The following CLSTN2 variants were observed in gnomAD, a reference collection of about 807,000 sequenced individuals.
The protein encoded by CLSTN2 is calsyntenin 2.
In CLSTN2, 48 loss-of-function variants were observed where a neutral mutation model predicts 101.2. The ratio of observed to expected loss-of-function variants is 0.47; its 90% CI spans 0.38 to 0.60. The LOEUF (loss-of-function observed/expected upper bound fraction) is 0.60, where lower values mean the gene tolerates loss of function less well. Ranked by LOEUF, CLSTN2 falls within the 20% of genes least tolerant of loss-of-function variation. The pLI is 0.00. For missense variants in CLSTN2, 1,160 were observed against 1,238.2 expected, an observed-to-expected ratio of 0.94 and a Z score of 0.95; for synonymous variants, 481 against 463.6, an observed-to-expected ratio of 1.04 and a Z score of -0.48.
intron 2 of CLSTN2, among the ~76,000 whole-genome samples, chr3:140,251,805 C>T (rs983668932): frequency 9.2e-5 from 14 of 152,074 alleles, no homozygotes; most frequent in African/African-American, 3.4e-4. Context: ...AAACAGACAA[C>T]ACAAAAGAAT....
intron 2 of CLSTN2, among the ~76,000 whole-genome samples, chr3:140,192,394 G>A (rs539003871): frequency 7.2e-5 from 11 of 151,782 alleles, no homozygotes; most frequent in South Asian, 2.1e-4. Flanking sequence ...ATTGAGGAAC[G>A]GATGTTGAAA....
chr3:140,325,793 T>C (rs2087326969), intron 2 of CLSTN2, among the ~76,000 whole-genome samples: 2 of 152,148 alleles, frequency 1.3e-5, no homozygotes, highest in Admixed American at 6.5e-5. Flanking sequence ...TCGGGACAAA[T>C]ACAGAATGTG....
At chr3:140,213,776 G>A (rs1559808215) in intron 2 of CLSTN2, among the ~76,000 whole-genome samples, 1 of 152,118 alleles carries the variant, frequency 6.6e-6, no homozygotes, top group Non-Finnish European at 1.5e-5. Flanking sequence ...TTTGCAGAAG[G>A]TCAACATGGC....
chr3:139,998,336 C>CTTTTT (rs60541490), intron 1 of CLSTN2, among the ~76,000 whole-genome samples: 1,439 of 66,662 alleles, frequency 0.022, 117 homozygotes, highest in East Asian at 0.045. Flanking sequence ...CCCCACATGC[C>CTTTTT]TTTTTTTTTT....
intron 1 of CLSTN2, among the ~76,000 whole-genome samples, chr3:139,966,772 G>A (rs150571776): frequency 8.5e-5 from 13 of 152,328 alleles, no homozygotes; most frequent in African/African-American, 2.9e-4. Context: ...TGAGTGAAGG[G>A]AAGGTGCTGA....
At chr3:140,442,877 A>G (rs1053955862) in intron 5 of CLSTN2, among the ~76,000 whole-genome samples, 1 of 152,170 alleles carries the variant, frequency 6.6e-6, no homozygotes, top group Non-Finnish European at 1.5e-5. Context: ...CCCAATTCAG[A>G]TGCACTGGAT....
chr3:140,092,864 G>A (rs555746714), intron 1 of CLSTN2, among the ~76,000 whole-genome samples: 4 of 152,214 alleles, frequency 2.6e-5, no homozygotes, highest in South Asian at 2.1e-4. Flanking sequence ...GGTGACTTGC[G>A]TGCTGCCTGG....
At chr3:140,154,531 C>T (rs1373716953) in intron 1 of CLSTN2, among the ~76,000 whole-genome samples, 1 of 151,780 alleles carries the variant, frequency 6.6e-6, no homozygotes, top group Non-Finnish European at 1.5e-5. Context: ...GATTAATTGA[C>T]ACAGTTGGCT....
At chr3:140,013,640 T>C (rs2007135664) in intron 1 of CLSTN2, among the ~76,000 whole-genome samples, 2 of 152,072 alleles carry the variant, frequency 1.3e-5, no homozygotes, top group African/African-American at 2.4e-5. Flanking sequence ...CAAGTTTTAA[T>C]TTAAGAAAAT....
chr3:140,271,490 C>T (rs2086741390), intron 2 of CLSTN2, among the ~76,000 whole-genome samples: 1 of 152,166 alleles, frequency 6.6e-6, no homozygotes, highest in Non-Finnish European at 1.5e-5. Flanking sequence ...AGTCCAAGAT[C>T]AAGGTGCCAG....
At chr3:140,202,420 A>G (rs1335962776) in intron 2 of CLSTN2, among the ~76,000 whole-genome samples, 1 of 152,202 alleles carries the variant, frequency 6.6e-6, no homozygotes. Flanking sequence ...GAAGTCTAAG[A>G]TGCCTACAAG....
At chr3:140,423,296 G>A (rs2088526019) in intron 5 of CLSTN2, among the ~76,000 whole-genome samples, 1 of 152,200 alleles carries the variant, frequency 6.6e-6, no homozygotes. Flanking sequence ...TGCAGCTCTG[G>A]ACAAATCTTG....
intron 8 of CLSTN2, among the ~76,000 whole-genome samples, chr3:140,497,454 A>G (rs933172763): frequency 4.0e-5 from 6 of 151,676 alleles, no homozygotes; most frequent in Admixed American, 3.9e-4. Flanking sequence ...TGACCGAACC[A>G]CCTGGACTCC....
chr3:139,979,836 G>T (rs945885365), intron 1 of CLSTN2, among the ~76,000 whole-genome samples: 4 of 151,754 alleles, frequency 2.6e-5, no homozygotes, highest in Admixed American at 6.6e-5. Flanking sequence ...TGAACTCTTG[G>T]CTCCTCCCTC....
At chr3:140,406,973 T>C (rs1053234723) in intron 4 of CLSTN2, among the ~76,000 whole-genome samples, 3 of 152,236 alleles carry the variant, frequency 2.0e-5, no homozygotes, top group African/African-American at 7.2e-5. Flanking sequence ...GGCTGTCTCA[T>C]TAAAAGTGAG....
At chr3:140,211,398 T>TCACACACACACACACACACACACACA (rs59994883) in intron 2 of CLSTN2, among the ~76,000 whole-genome samples, 151 of 113,450 alleles carry the variant, frequency 1.3e-3, no homozygotes, top group Middle Eastern at 4.3e-3. Context: ...GCTTGGTAAT[T>TCACACACACACACACACACACACACA]CACACACACA....
At chr3:140,223,660 GATAC>G (rs1243787425) in intron 2 of CLSTN2, among the ~76,000 whole-genome samples, 1 of 152,140 alleles carries the variant, frequency 6.6e-6, no homozygotes, top group Non-Finnish European at 1.5e-5. Flanking sequence ...GAGAGCTTCT[GATAC>G]TCTGTTTCCT....
chr3:140,562,493 G>T (rs1198824317), intron 13 of CLSTN2, among the ~76,000 whole-genome samples, 185 bp downstream of exon 13: 2 of 152,186 alleles, frequency 1.3e-5, no homozygotes, highest in African/African-American at 4.8e-5. Context: ...GCATCTTGGG[G>T]ACCAGTCCCA....
intron 8 of CLSTN2, among the ~76,000 whole-genome samples, chr3:140,476,960 G>C (rs1049166747): frequency 2.6e-5 from 4 of 152,118 alleles, no homozygotes; most frequent in Non-Finnish European, 2.9e-5. Context: ...TGCCCAGCCT[G>C]TTTTAGCATC....
Sources: gnomAD v4.1 joint callset for allele counts (sites outside exome capture counted in the v4.1 genomes callset) on GRCh38, gnomAD v4.1.1 for gene constraint, MANE v1.5 for transcripts, NCBI Gene and HGNC (gene_info 2026-07-23, HGNC 2026-07-21) for gene names.